The following HIVEP2 variants were observed in gnomAD, a reference collection of about 807,000 sequenced individuals.
The protein encoded by HIVEP2 is HIVEP zinc finger 2.
HIVEP2 carries 14 observed loss-of-function variants against 180.7 expected under a neutral mutation model. The ratio of observed to expected loss-of-function variants is 0.08; its 90% CI spans 0.05 to 0.12. The LOEUF (loss-of-function observed/expected upper bound fraction) is 0.12. Among genes scored for constraint, HIVEP2 ranks in the 10% least tolerant of loss-of-function variants. The pLI, the probability that HIVEP2 is intolerant of heterozygous loss-of-function variation, is 1.00. For synonymous variants in HIVEP2, 1,184 were observed against 1,136.4 expected (o/e 1.04, Z -0.84); for missense variants, 2,579 against 3,008.5 (o/e 0.86, Z 3.34).
At chr6:142,811,910 T>C (rs1776709362) in intron 2 of HIVEP2, among the ~76,000 whole-genome samples, 1 of 152,126 alleles carries the variant, frequency 6.6e-6, no homozygotes, top group Non-Finnish European at 1.5e-5. Flanking sequence ...GCGATAGAAG[T>C]AGACAACATG....
intron 2 of HIVEP2, among the ~76,000 whole-genome samples, chr6:142,821,238 C>A (rs1777028003): frequency 6.6e-6 from 1 of 151,754 alleles, no homozygotes. Context: ...ACAGCTCCAG[C>A]AGACTGGGAA....
chr6:142,925,849 C>A (rs1777794490), intron 1 of HIVEP2, among the ~76,000 whole-genome samples: 1 of 152,168 alleles, frequency 6.6e-6, no homozygotes, highest in Admixed American at 6.5e-5. Context: ...TTAGTAAGTC[C>A]TTTCTCTGTC....
At chr6:142,863,862 T>C (rs958715724) in intron 1 of HIVEP2, among the ~76,000 whole-genome samples, 32 of 152,188 alleles carry the variant, frequency 2.1e-4, no homozygotes, top group Non-Finnish European at 8.8e-5. Flanking sequence ...TCAAGGAATA[T>C]TTGTAGTCCA....
At chr6:142,905,391 C>A (rs1777238529) in intron 1 of HIVEP2, among the ~76,000 whole-genome samples, 2 of 152,096 alleles carry the variant, frequency 1.3e-5, no homozygotes, top group South Asian at 4.1e-4. Flanking sequence ...AATACGGGGG[C>A]CCACTAAAAT....
Position 142,773,697 on chromosome 6 carries a change from C to T in HIVEP2, c.1042G>A (p.Asp348Asn). The T allele has an allele frequency of 6.2e-7, 1 of 1,614,130 alleles. No homozygotes were observed. Among genetic ancestry groups the T allele is most frequent in the African/African-American group, 1.3e-5 (1 of 75,050 alleles). ...PNESSQYIGPDMLPNPSLNTK... is the reference protein window; with the variant it reads ...PNESSQYIGPNMLPNPSLNTK... ...TTTAAAGATGGATTTGGTAGCATAT[C>T]AGGGCCAATATACTGAGAGCTTTCA... Residue 348 changes from aspartate (D) to asparagine (N), a missense_variant, in exon 5 of 10, where the codon GAT becomes AAT. Transcript: ENST00000367603.
intron 2 of HIVEP2, among the ~76,000 whole-genome samples, chr6:142,790,783 T>A (rs548868902): frequency 7.2e-5 from 11 of 152,336 alleles, no homozygotes; most frequent in African/African-American, 2.4e-4. Context: ...TGACCTTGCC[T>A]GAAGAAAATC....
rs1243208107 is a variant in HIVEP2 at position 142,780,483 on chromosome 6, A to G, written c.-433+3038T>C. 2.0e-5 allele frequency among the ~76,000 whole-genome samples: 3 copies of G among 152,336 alleles called. No individual in the cohort carries two copies. The East Asian group carries it at 5.8e-4, about 29-fold the overall frequency. ...CTTGGGGAGCCTTTGACTAACTGCTATCCATAAAATCACGTCTCTTCTTGG... is the reference window on the plus strand; with the variant it reads ...CTTGGGGAGCCTTTGACTAACTGCTGTCCATAAAATCACGTCTCTTCTTGG... On this transcript the variant is annotated intron_variant, in intron 3 of 9. Coordinates refer to ENST00000367603, the MANE Select transcript of HIVEP2 (RefSeq NM_006734.4).
At chr6:142,926,846 C>T (rs1777824907) in intron 1 of HIVEP2, among the ~76,000 whole-genome samples, 1 of 151,932 alleles carries the variant, frequency 6.6e-6, no homozygotes, top group Non-Finnish European at 1.5e-5. Flanking sequence ...GGCCGCCGGG[C>T]GCGGCGAGCC....
Position 142,773,710 on chromosome 6 carries a change from C to A in HIVEP2, c.1029G>T (p.Gln343His), listed in dbSNP as rs754853857. 1 of 1,614,120 alleles carries A rather than the reference C, an allele frequency of 6.2e-7. No individual in the cohort carries two copies. The highest frequency in any genetic ancestry group is 1.1e-5 in the South Asian group (1 of 91,084). Reference sequence around the variant, plus strand: ...TTGGTAGCATATCAGGGCCAATATACTGAGAGCTTTCATTAGGGAGAGGAA... The same window carrying A: ...TTGGTAGCATATCAGGGCCAATATAATGAGAGCTTTCATTAGGGAGAGGAA... ...SGIPLPNESSQYIGPDMLPNP... is the reference protein window; with the variant it reads ...SGIPLPNESSHYIGPDMLPNP... The change falls in exon 5 of 10, where the codon CAG (glutamine) becomes CAT (histidine). Residue 343 changes from glutamine to histidine, a missense_variant. Gln to His is a conservative substitution (Grantham distance 24). Coordinates refer to ENST00000367603, the MANE Select transcript of HIVEP2 (RefSeq NM_006734.4).
chr6:142,793,677 C>CTTTCTTTCTTT (rs1554279295), intron 2 of HIVEP2, among the ~76,000 whole-genome samples: 1 of 125,044 alleles, frequency 8.0e-6, no homozygotes, highest in African/African-American at 3.0e-5. Flanking sequence ...CTTTCTTTCT[C>CTTTCTTTCTTT]TCTCTCTCTC....
chr6:142,818,740 A>G (rs1437756107), intron 2 of HIVEP2, among the ~76,000 whole-genome samples: 14 of 119,944 alleles, frequency 1.2e-4, no homozygotes, highest in African/African-American at 4.4e-4. Flanking sequence ...AAGAAAAGAA[A>G]GAAAGAAAGA....
intron 1 of HIVEP2, among the ~76,000 whole-genome samples, chr6:142,838,389 C>G (rs1775278592): frequency 6.6e-6 from 1 of 152,054 alleles, no homozygotes; most frequent in Non-Finnish European, 1.5e-5. Flanking sequence ...ATAAACATGA[C>G]AAGACAAATG....
intron 2 of HIVEP2, among the ~76,000 whole-genome samples, chr6:142,813,794 G>A (rs1209541749): frequency 1.3e-5 from 2 of 151,626 alleles, no homozygotes; most frequent in African/African-American, 2.4e-5. Context: ...CTCGACTCCT[G>A]GACTCAAAGG....
At chr6:142,756,045 C>T (rs970680071) in intron 9 of HIVEP2, among the ~76,000 whole-genome samples, 5 of 152,052 alleles carry the variant, frequency 3.3e-5, no homozygotes, top group African/African-American at 7.3e-5. Context: ...AAAATTTTGT[C>T]GTGGAAAAAC....
At chr6:142,935,463 C>A (rs1409396370) in intron 1 of HIVEP2, among the ~76,000 whole-genome samples, 1 of 152,016 alleles carries the variant, frequency 6.6e-6, no homozygotes. Context: ...GTGGGAGGAT[C>A]GTTTGAGCCC....
intron 2 of HIVEP2, among the ~76,000 whole-genome samples, chr6:142,807,871 G>A (rs935976117): frequency 3.3e-5 from 5 of 152,158 alleles, no homozygotes; most frequent in African/African-American, 4.8e-5. Context: ...GTAGGCAAAA[G>A]GATTACAAGA....
chr6:142,912,481 C>T (rs1777436573), intron 1 of HIVEP2, among the ~76,000 whole-genome samples: 1 of 152,182 alleles, frequency 6.6e-6, no homozygotes, highest in Non-Finnish European at 1.5e-5. Flanking sequence ...GGCTTGATAG[C>T]TACGTGCACA....
intron 9 of HIVEP2, among the ~76,000 whole-genome samples, chr6:142,757,066 G>T (rs1775095800): frequency 6.6e-6 from 1 of 152,146 alleles, no homozygotes. Context: ...AACACAATCT[G>T]CATTTGAATT....
intron 1 of HIVEP2, among the ~76,000 whole-genome samples, chr6:142,844,652 C>T (rs565017302): frequency 3.9e-5 from 6 of 152,240 alleles, no homozygotes; most frequent in Non-Finnish European, 7.3e-5. Context: ...GGCAAAACTG[C>T]TATTTCAAAG....
Sources: allele counts gnomAD v4.1 joint callset (sites outside exome capture counted in the v4.1 genomes callset), GRCh38; gene constraint gnomAD v4.1.1; transcripts MANE v1.5; gene names NCBI Gene and HGNC (gene_info 2026-07-23, HGNC 2026-07-21).